Variants in PLCB4 observed in about 807,000 individuals in gnomAD.
PLCB4 encodes phospholipase C beta 4, also known as 1-phosphatidylinositol 4,5-bisphosphate phosphodiesterase beta-4.
PLCB4 carries 77 observed loss-of-function variants against 178.8 expected under a neutral mutation model. The observed-to-expected ratio is 0.43, with a 90% CI of 0.36 to 0.52. The LOEUF is 0.52. Among genes scored for constraint, PLCB4 ranks in the 20% least tolerant of loss-of-function variants. PLCB4 has a pLI of 0.00. For synonymous variants in PLCB4, 496 were observed against 490.8 expected (o/e 1.01, Z -0.14); for missense variants, 1,024 against 1,453.4 (o/e 0.70, Z 4.80).
intron 25 of PLCB4, among the ~76,000 whole-genome samples, chr20:9,414,356 A>G (rs997286036): frequency 2.0e-5 from 3 of 152,204 alleles, no homozygotes; most frequent in African/African-American, 7.2e-5. Context: ...TCTGTGTTCC[A>G]TGGCGATGGT....
intron 2 of PLCB4, among the ~76,000 whole-genome samples, chr20:9,211,967 G>A (rs1220287022): frequency 6.6e-6 from 1 of 152,216 alleles, no homozygotes; most frequent in Non-Finnish European, 1.5e-5. Context: ...ATGGTCGATT[G>A]TAAAAACGTC....
chr20:9,098,919 A>G (rs1436095362), intron 2 of PLCB4, among the ~76,000 whole-genome samples: 1 of 150,120 alleles, frequency 6.7e-6, no homozygotes, highest in Non-Finnish European at 1.5e-5. Context: ...CTGGCGACGT[A>G]TATATATATA....
intron 2 of PLCB4, among the ~76,000 whole-genome samples, chr20:9,117,231 A>G (rs1359496537): frequency 2.0e-5 from 3 of 152,202 alleles, no homozygotes; most frequent in Non-Finnish European, 2.9e-5. Flanking sequence ...TTTAAATACA[A>G]TTATAGTGTA....
intron 4 of PLCB4, among the ~76,000 whole-genome samples, chr20:9,318,103 T>C (rs1458801082): frequency 2.0e-5 from 3 of 152,004 alleles, no homozygotes; most frequent in African/African-American, 7.2e-5. Context: ...GAGCCCAGAT[T>C]GCGCTATTGC....
intron 7 of PLCB4, among the ~76,000 whole-genome samples, chr20:9,343,208 T>A (rs79467613): frequency 6.6e-6 from 1 of 152,116 alleles, no homozygotes; most frequent in Non-Finnish European, 1.5e-5. Context: ...TTTTTTTTTT[T>A]AATTCCTAGG....
intron 23 of PLCB4, 74 bp downstream of exon 23, chr20:9,408,791 G>A: frequency 1.3e-6 from 1 of 789,236 alleles, no homozygotes; most frequent in Admixed American, 1.9e-5. Context: ...ATAGATAAAT[G>A]GCTAATATCT....
chr20:9,431,066 A>G (rs1400492426), intron 28 of PLCB4, among the ~76,000 whole-genome samples: 1 of 152,212 alleles, frequency 6.6e-6, no homozygotes, highest in African/African-American at 2.4e-5. Flanking sequence ...TTAAAACAGC[A>G]GAGATTTATG....
intron 28 of PLCB4, among the ~76,000 whole-genome samples, chr20:9,433,212 G>GGGACAACCAGCCTTT (rs1311144729): frequency 6.6e-5 from 10 of 152,196 alleles, no homozygotes; most frequent in Non-Finnish European, 1.0e-4. Context: ...CGTCACAAAT[G>GGGACAACCAGCCTTT]GGACAACCAG....
At position 9,414,839 on chromosome 20, in the gene PLCB4, T is replaced by G. The variant is rs905427544; in HGVS notation, c.2051+3751T>G. 1.2e-4 allele frequency among the ~76,000 whole-genome samples: 19 copies of G among 152,330 alleles called. 1 individual carries two copies. The highest frequency in any genetic ancestry group is 4.6e-4 in the African/African-American group (19 of 41,566). Reference sequence around the variant, plus strand: ...ATTAATACCTAAAATCTTTTTAGACTTTCATAGGAAAGTGAGTGATTGATA... The same window carrying G: ...ATTAATACCTAAAATCTTTTTAGACGTTCATAGGAAAGTGAGTGATTGATA... On this transcript the variant is annotated intron_variant, in intron 25 of 39. Transcript: ENST00000378473.
chr20:9,286,662 A>G (rs2094539084), intron 3 of PLCB4, among the ~76,000 whole-genome samples: 1 of 152,056 alleles, frequency 6.6e-6, no homozygotes, highest in Non-Finnish European at 1.5e-5. Flanking sequence ...CACAACATAC[A>G]GTGGGATTCA....
chr20:9,461,881 C>G (rs1306817326), intron 35 of PLCB4, among the ~76,000 whole-genome samples: 1 of 152,224 alleles, frequency 6.6e-6, no homozygotes, highest in Non-Finnish European at 1.5e-5. Context: ...ACATCCCTGT[C>G]TGACAGCTCT....
intron 2 of PLCB4, among the ~76,000 whole-genome samples, chr20:9,103,026 CTTT>C (rs11484220): frequency 2.2e-5 from 3 of 139,222 alleles, no homozygotes; most frequent in Non-Finnish European, 1.5e-5. Context: ...TGCCATTGTA[CTTT>C]TTTTTTTTTT....
intron 3 of PLCB4, among the ~76,000 whole-genome samples, chr20:9,296,082 G>T (rs968728101): frequency 7.2e-5 from 11 of 152,106 alleles, no homozygotes; most frequent in Non-Finnish European, 1.3e-4. Flanking sequence ...CCTACAGAAT[G>T]GGAGAAAATT....
chr20:9,365,665 T>C (rs1378469919), intron 9 of PLCB4, 151 bp downstream of exon 9: 6 of 482,634 alleles, frequency 1.2e-5, no homozygotes, highest in Non-Finnish European at 7.5e-6. Flanking sequence ...AATGCTATAT[T>C]CAGTTTGTAA....
At chr20:9,247,458 T>C (rs563938396) in intron 3 of PLCB4, among the ~76,000 whole-genome samples, 16 of 152,286 alleles carry the variant, frequency 1.1e-4, no homozygotes, top group African/African-American at 3.9e-4. Context: ...TAAACTCTTT[T>C]TGAATAAAAA....
At chr20:9,098,158 G>A (rs568525949) in intron 2 of PLCB4, among the ~76,000 whole-genome samples, 1 of 152,224 alleles carries the variant, frequency 6.6e-6, no homozygotes, top group South Asian at 2.1e-4. Flanking sequence ...TGGCTTCAAA[G>A]ACGATATAGA....
chr20:9,334,874 G>A (rs75539500), intron 4 of PLCB4, among the ~76,000 whole-genome samples: 3,307 of 152,180 alleles, frequency 0.022, 134 homozygotes, highest in African/African-American at 0.075. Flanking sequence ...TGTCCAGGTG[G>A]TAATGGCAAG....
rs546634918 is a variant in PLCB4 at position 9,309,416 on chromosome 20, C to T, written c.84+1518C>T. Among the ~76,000 whole-genome samples, 18 of 152,278 alleles carry T rather than the reference C, an allele frequency of 1.2e-4. No individual in the cohort carries two copies. In the East Asian group the frequency reaches 1.5e-3, roughly 13 times the overall value. On this transcript the variant is annotated intron_variant, in intron 4 of 39. Coordinates refer to ENST00000378473, the MANE Select transcript of PLCB4 (RefSeq NM_001377142.1). ...CTTGACCCATTGAATGAATAAGAGG[C>T]GATAACTTATTTTTTGCCACCACTA...
intron 3 of PLCB4, among the ~76,000 whole-genome samples, chr20:9,223,213 T>G (rs2093820931): frequency 6.6e-6 from 1 of 152,152 alleles, no homozygotes; most frequent in South Asian, 2.1e-4. Context: ...TGCAAACTCA[T>G]GGGGCTGGAG....
Sources: allele counts gnomAD v4.1 joint callset (sites outside exome capture counted in the v4.1 genomes callset), GRCh38; gene constraint gnomAD v4.1.1; transcripts MANE v1.5; gene names NCBI Gene and HGNC (gene_info 2026-07-23, HGNC 2026-07-21).